The following DOCK2 variants were observed in gnomAD, a reference collection of about 807,000 sequenced individuals.
The protein encoded by DOCK2 is dedicator of cytokinesis 2.
DOCK2 carries 87 observed loss-of-function variants against 248.9 expected under a neutral mutation model. The ratio of observed to expected loss-of-function variants is 0.35; its 90% CI spans 0.29 to 0.42. The LOEUF is 0.42. Ranked by LOEUF, DOCK2 falls within the 10% of genes least tolerant of loss-of-function variation. DOCK2 has a pLI of 1.00. For missense variants in DOCK2, 1,747 were observed against 2,300.2 expected (o/e 0.76, Z 4.92); for synonymous variants, 805 against 821.6 (o/e 0.98, Z 0.35).
At chr5:169,681,921 T>A (rs183296333) in intron 7 of DOCK2, 42 bp downstream of exon 7, 2 of 1,605,768 alleles carry the variant, frequency 1.2e-6, no homozygotes, top group East Asian at 4.5e-5. Context: ...GATACAATCA[T>A]TTAGCACATC....
chr5:169,912,976 T>C (rs1581406554), intron 27 of DOCK2, among the ~76,000 whole-genome samples: 1 of 152,326 alleles, frequency 6.6e-6, no homozygotes, highest in South Asian at 2.1e-4. Context: ...TAATTTTGTA[T>C]AGAATTTTCA....
intron 27 of DOCK2, among the ~76,000 whole-genome samples, chr5:169,892,144 C>T (rs1329904900): frequency 6.6e-6 from 1 of 152,100 alleles, no homozygotes; most frequent in Non-Finnish European, 1.5e-5. Flanking sequence ...AGCTTAAGCA[C>T]AATTCCAATA....
At chr5:169,939,054 C>G (rs1776118922) in intron 27 of DOCK2, among the ~76,000 whole-genome samples, 1 of 151,874 alleles carries the variant, frequency 6.6e-6, no homozygotes, top group Admixed American at 6.5e-5. Context: ...CAGGCATGCA[C>G]CACCACGCCC....
chr5:169,929,759 AAAAG>A (rs1355301067), intron 27 of DOCK2, among the ~76,000 whole-genome samples: 6 of 151,438 alleles, frequency 4.0e-5, no homozygotes, highest in Admixed American at 2.0e-4. Context: ...AAAAAAAAAA[AAAAG>A]AGAGAGAGAG....
chr5:169,706,462 C>T (rs1358544453), intron 14 of DOCK2, among the ~76,000 whole-genome samples: 1 of 152,150 alleles, frequency 6.6e-6, no homozygotes, highest in African/African-American at 2.4e-5. Flanking sequence ...ACTCAGGTCA[C>T]CCAGCTGTGA....
chr5:169,871,403 A>C (rs1771960574), intron 27 of DOCK2, among the ~76,000 whole-genome samples: 1 of 152,218 alleles, frequency 6.6e-6, no homozygotes, highest in Non-Finnish European at 1.5e-5. Context: ...TGATAAAAAG[A>C]ATGATGGTCA....
At chr5:169,859,064 C>T (rs9688166) in intron 27 of DOCK2, among the ~76,000 whole-genome samples, 16,164 of 151,940 alleles carry the variant, frequency 0.11, 1,011 homozygotes, top group African/African-American at 0.16. Context: ...TGTGGGGAGA[C>T]CTGTTGGGGA....
chr5:169,903,902 C>T (rs1774113223), intron 27 of DOCK2, among the ~76,000 whole-genome samples: 1 of 151,864 alleles, frequency 6.6e-6, no homozygotes, highest in Non-Finnish European at 1.5e-5. Flanking sequence ...GAGTTCGAGA[C>T]CAGCCTGGCC....
chr5:169,667,013 A>G (rs1043074814), intron 2 of DOCK2, among the ~76,000 whole-genome samples: 2 of 152,220 alleles, frequency 1.3e-5, no homozygotes, highest in African/African-American at 4.8e-5. Context: ...TAGGAAACCT[A>G]TAAGACGTAC....
chr5:169,716,682 A>G (rs1367357194), intron 20 of DOCK2, among the ~76,000 whole-genome samples: 2 of 151,998 alleles, frequency 1.3e-5, no homozygotes, highest in African/African-American at 2.4e-5. Context: ...TCTTCTCCCC[A>G]TTTCCTCCAA....
At chr5:170,070,349 T>C (rs1277952530) in intron 46 of DOCK2, among the ~76,000 whole-genome samples, 1 of 152,280 alleles carries the variant, frequency 6.6e-6, no homozygotes, top group Non-Finnish European at 1.5e-5. Context: ...GCAGCCTCTT[T>C]TCTTAAAATA....
chr5:169,718,855 T>C, intron 22 of DOCK2, 64 bp downstream of exon 22: 3 of 1,520,918 alleles, frequency 2.0e-6, no homozygotes, highest in Non-Finnish European at 1.8e-6. Context: ...ACAACAGTAT[T>C]TTTACTGTAG....
chr5:170,027,487 G>C (rs1755959089), intron 33 of DOCK2, among the ~76,000 whole-genome samples: 1 of 152,198 alleles, frequency 6.6e-6, no homozygotes, highest in Non-Finnish European at 1.5e-5. Context: ...ATGTGGTGCT[G>C]TCTTCTTGGA....
At position 169,771,577 on chromosome 5, in the gene DOCK2, G is replaced by A. The variant is rs112598971; in HGVS notation, c.2554+9952G>A. 7.6e-4 allele frequency among the ~76,000 whole-genome samples: 116 copies of A among 152,156 alleles called. 1 individual carries two copies. The highest frequency in any genetic ancestry group is 2.5e-3 in the African/African-American group (105 of 41,532). On this transcript the variant is annotated intron_variant, in intron 25 of 51. Transcript: ENST00000520908. ...ATTACAGGTGTGAGCCACCGCACCC[G>A]GCCTTTTGTCTTTCTGTCAGATTGG...
intron 27 of DOCK2, among the ~76,000 whole-genome samples, chr5:169,910,409 A>C (rs974746085): frequency 1.3e-5 from 2 of 152,206 alleles, no homozygotes; most frequent in African/African-American, 4.8e-5. Flanking sequence ...CTACCCCCTC[A>C]GTGCTGATTT....
chr5:169,945,411 C>T (rs1032532255), intron 27 of DOCK2, among the ~76,000 whole-genome samples: 1 of 152,248 alleles, frequency 6.6e-6, no homozygotes, highest in Non-Finnish European at 1.5e-5. Context: ...AGTGAAAAAT[C>T]AGTGAGAATA....
intron 9 of DOCK2, among the ~76,000 whole-genome samples, chr5:169,690,414 A>G (rs925791993): frequency 6.6e-6 from 1 of 152,170 alleles, no homozygotes. Flanking sequence ...TTGCTCTACA[A>G]TAATTTTTTG....
chr5:169,899,948 C>A (rs1434380679), intron 27 of DOCK2, among the ~76,000 whole-genome samples: 4 of 152,224 alleles, frequency 2.6e-5, no homozygotes, highest in Admixed American at 2.6e-4. Flanking sequence ...TATGTCATTT[C>A]CTTCCACTAA....
chr5:169,673,477 G>A (rs536144842), intron 5 of DOCK2, among the ~76,000 whole-genome samples: 24 of 151,752 alleles, frequency 1.6e-4, no homozygotes, highest in African/African-American at 5.3e-4. Flanking sequence ...ACAATTAGAA[G>A]AACATTATTC....
Sources: gnomAD v4.1 joint callset for allele counts (sites outside exome capture counted in the v4.1 genomes callset) on GRCh38, gnomAD v4.1.1 for gene constraint, MANE v1.5 for transcripts, NCBI Gene and HGNC (gene_info 2026-07-23, HGNC 2026-07-21) for gene names.